CDH18: variants seen among roughly 807,000 people sequenced by gnomAD.
CDH18 encodes cadherin-18.
A neutral mutation model predicts 67.9 loss-of-function variants in CDH18; 31 were observed. The observed-to-expected ratio is 0.46, with a 90% confidence interval of 0.34 to 0.62. CDH18 has a LOEUF of 0.62. Ranked by LOEUF, CDH18 falls within the 20% of genes least tolerant of loss-of-function variation. The pLI is 0.01. For missense variants in CDH18, 890 were observed against 975.5 expected (o/e 0.91, Z 1.17); for synonymous variants, 362 against 347.2 (o/e 1.04, Z -0.48).
At chr5:19,922,811 A>C (rs1172781880) in intron 2 of CDH18, among the ~76,000 whole-genome samples, 1 of 152,176 alleles carries the variant, frequency 6.6e-6, no homozygotes, top group Non-Finnish European at 1.5e-5. Context: ...GAACAAGAAA[A>C]ATCATACATC....
chr5:19,802,136 A>G (rs909023024), intron 3 of CDH18, among the ~76,000 whole-genome samples: 49 of 152,148 alleles, frequency 3.2e-4, no homozygotes, highest in African/African-American at 1.1e-3. Flanking sequence ...TGACTCCCTT[A>G]TATCATTTTC....
intron 1 of CDH18, among the ~76,000 whole-genome samples, chr5:20,409,975 G>T (rs531908824): frequency 1.3e-5 from 2 of 151,652 alleles, no homozygotes; most frequent in Non-Finnish European, 3.0e-5. Flanking sequence ...TTTATAATAA[G>T]AAGATTAAGT....
At chr5:19,811,066 G>T (rs541651098) in intron 3 of CDH18, among the ~76,000 whole-genome samples, 4 of 134,800 alleles carry the variant, frequency 3.0e-5, no homozygotes, top group African/African-American at 1.1e-4. Context: ...GAAAAGGGAA[G>T]GGAGAAAGAG....
In CDH18 at chr5:20,078,912, G is replaced by A. The variant is rs138487359; in HGVS notation, c.-517-86898C>T. On this transcript the variant is annotated intron_variant, in intron 2 of 14. Coordinates refer to the CDH18 transcript ENST00000507958. Reference sequence around the variant, plus strand: ...ATTACAGGCGTAAGCCACTGTGCCCGGCCCCTTTTAGTATAATTTTATTTT... The same window carrying A: ...ATTACAGGCGTAAGCCACTGTGCCCAGCCCCTTTTAGTATAATTTTATTTT... 5.5e-4 allele frequency among the ~76,000 whole-genome samples: 83 copies of A among 152,214 alleles called. 2 individuals carry two copies. In the East Asian group the frequency reaches 0.012, roughly 22 times the overall value.
chr5:19,828,965 G>C (rs746588843), intron 3 of CDH18, among the ~76,000 whole-genome samples: 1 of 152,154 alleles, frequency 6.6e-6, no homozygotes, highest in Non-Finnish European at 1.5e-5. Context: ...TTGAACCCAG[G>C]AGACGGAATT....
intron 1 of CDH18, among the ~76,000 whole-genome samples, chr5:20,401,890 C>A (rs551322145): frequency 1.3e-5 from 2 of 152,190 alleles, no homozygotes; most frequent in South Asian, 2.1e-4. Context: ...TCATATTAAT[C>A]CCTTGCTTGA....
At chr5:20,268,731 A>G (rs1745224615) in intron 1 of CDH18, among the ~76,000 whole-genome samples, 1 of 152,134 alleles carries the variant, frequency 6.6e-6, no homozygotes, top group South Asian at 2.1e-4. Flanking sequence ...CTATCTCAAC[A>G]ACAACGAAAA....
At chr5:20,349,972 G>A (rs1316441787) in intron 1 of CDH18, among the ~76,000 whole-genome samples, 2 of 152,088 alleles carry the variant, frequency 1.3e-5, no homozygotes, top group South Asian at 2.1e-4. Flanking sequence ...GGTCAAGAAA[G>A]CACATCTGAA....
chr5:20,460,624 C>A (rs1007053460), intron 1 of CDH18, among the ~76,000 whole-genome samples: 5 of 151,750 alleles, frequency 3.3e-5, no homozygotes, highest in Non-Finnish European at 7.4e-5. Flanking sequence ...AACAGTGAAA[C>A]CTACATTTGA....
intron 3 of CDH18, among the ~76,000 whole-genome samples, chr5:19,790,144 T>C (rs182110098): frequency 6.6e-6 from 1 of 152,216 alleles, no homozygotes; most frequent in Non-Finnish European, 1.5e-5. Context: ...CATTATATGC[T>C]CATAACACCC....
intron 2 of CDH18, among the ~76,000 whole-genome samples, chr5:20,030,899 TG>T (rs758313424): frequency 3.9e-5 from 6 of 152,152 alleles, no homozygotes; most frequent in Non-Finnish European, 8.8e-5. Flanking sequence ...AATATAACCA[TG>T]TTTGCTCTGT....
chr5:20,228,418 G>C (rs550107723), intron 2 of CDH18, among the ~76,000 whole-genome samples: 1 of 152,120 alleles, frequency 6.6e-6, no homozygotes, highest in East Asian at 1.9e-4. Context: ...ATTGTGGAAT[G>C]ACTAAATATA....
intron 1 of CDH18, among the ~76,000 whole-genome samples, chr5:20,553,601 G>A (rs1387701985): frequency 2.0e-5 from 3 of 152,162 alleles, no homozygotes; most frequent in Non-Finnish European, 4.4e-5. Context: ...ATGGACTACA[G>A]ATTAGATGTC....
At chr5:19,617,873 A>G (rs988305603) in intron 5 of CDH18, among the ~76,000 whole-genome samples, 3 of 152,204 alleles carry the variant, frequency 2.0e-5, no homozygotes, top group Non-Finnish European at 2.9e-5. Context: ...ATCTGTGATT[A>G]TAAACATTAC....
At chr5:20,027,912 C>T (rs535087740) in intron 2 of CDH18, among the ~76,000 whole-genome samples, 1 of 152,208 alleles carries the variant, frequency 6.6e-6, no homozygotes, top group South Asian at 2.1e-4. Context: ...GTGGCCTTTG[C>T]CCTTATCAAA....
intron 5 of CDH18, among the ~76,000 whole-genome samples, chr5:19,720,623 C>A (rs1175399922): frequency 1.3e-5 from 2 of 152,028 alleles, no homozygotes; most frequent in Middle Eastern, 6.3e-3. Context: ...GCCTTCATTA[C>A]CATTTTGGCC....
Position 19,838,866 on chromosome 5 carries a change from T to G in CDH18, c.121A>C (p.Ile41Leu). 6.2e-7 allele frequency: 1 copy of G among 1,614,114 alleles called. No individual in the cohort carries two copies. Among genetic ancestry groups the G allele is most frequent in the Non-Finnish European group, 8.5e-7 (1 of 1,179,944 alleles). ...IKVMRNQTKH[I>L]EGETEVHHRP... ...TGATGGACTTCGGTTTCACCTTCAA[T>G]GTGTTTGGTTTGGTTTCTCATCACC... The change falls in exon 3 of 13, where the codon ATT (isoleucine) becomes CTT (leucine). Residue 41 changes from isoleucine to leucine, a missense_variant. Around this residue, in one of 2 missense-constraint regions of CDH18, gnomAD observed 234 missense variants for 307.4 expected, o/e 0.76. Coordinates refer to ENST00000382275, the MANE Select transcript of CDH18 (RefSeq NM_004934.5).
At chr5:19,688,273 A>G (rs1580876509) in intron 5 of CDH18, among the ~76,000 whole-genome samples, 1 of 152,160 alleles carries the variant, frequency 6.6e-6, no homozygotes, top group East Asian at 1.9e-4. Flanking sequence ...TACTGACTAC[A>G]TACACTGCCT....
At chr5:20,484,372 C>T (rs1300626421) in intron 1 of CDH18, among the ~76,000 whole-genome samples, 1 of 151,888 alleles carries the variant, frequency 6.6e-6, no homozygotes, top group Non-Finnish European at 1.5e-5. Flanking sequence ...ATTTTAGAGG[C>T]TCTTCAAAGA....
Sources: gnomAD v4.1 joint callset for allele counts (sites outside exome capture counted in the v4.1 genomes callset) on GRCh38, gnomAD v4.1.1 for gene constraint, gnomAD v4.1.1 regional missense constraint, MANE v1.5 for transcripts, NCBI Gene and HGNC (gene_info 2026-07-23, HGNC 2026-07-21) for gene names.